MYO5A: variants seen among roughly 807,000 people sequenced by gnomAD.
MYO5A encodes myosin VA.
MYO5A carries 98 observed loss-of-function variants against 249.7 expected under a neutral mutation model. The observed-to-expected ratio is 0.39, with a 90% confidence interval of 0.33 to 0.46. The LOEUF (loss-of-function observed/expected upper bound fraction) is 0.46. MYO5A is among the 20% of genes least tolerant of loss of function. The probability of loss-of-function intolerance (pLI) is 0.98; values close to 1 mark genes in which losing one functional copy is unlikely to be tolerated. For synonymous variants in MYO5A, 778 were observed against 810.6 expected, an observed-to-expected ratio of 0.96 and a Z score of 0.68; for missense variants, 1,696 against 2,308.8, an observed-to-expected ratio of 0.73 and a Z score of 5.44.
At position 52,495,637 on chromosome 15, in the gene MYO5A, T is replaced by C. The variant is rs143743260; in HGVS notation, c.27+33143A>G. ...TGTATACATATACCAAAACATCATA[T>C]TGTAAGCCACAAATATATACAGTAT... On this transcript the variant is annotated intron_variant, in intron 1 of 41. Coordinates refer to ENST00000399233, the MANE Select transcript of MYO5A (RefSeq NM_001382347.1). 4.5e-4 allele frequency among the ~76,000 whole-genome samples: 68 copies of C among 152,294 alleles called. 1 individual carries two copies. In the East Asian group the frequency reaches 7.1e-3, roughly 16 times the overall value.
At chr15:52,332,939 T>A (rs2038957210) in intron 34 of MYO5A, among the ~76,000 whole-genome samples, 1 of 152,196 alleles carries the variant, frequency 6.6e-6, no homozygotes, top group Non-Finnish European at 1.5e-5. Context: ...CACTGCAGCC[T>A]GAGTGATGAA....
chr15:52,416,473 A>G (rs2043493480), intron 4 of MYO5A, among the ~76,000 whole-genome samples, 172 bp from the exon 5 acceptor site: 1 of 151,248 alleles, frequency 6.6e-6, no homozygotes, highest in Non-Finnish European at 1.5e-5. Context: ...GCCACCAGAA[A>G]TGTTGCAGGA....
intron 1 of MYO5A, among the ~76,000 whole-genome samples, chr15:52,478,962 T>A (rs532816945): frequency 6.6e-6 from 1 of 152,164 alleles, no homozygotes; most frequent in Admixed American, 6.5e-5. Context: ...AACAGTGCCA[T>A]GTGCAGTCTA....
chr15:52,368,781 AAAATG>A (rs925137924), intron 22 of MYO5A, among the ~76,000 whole-genome samples: 1 of 152,164 alleles, frequency 6.6e-6, no homozygotes, highest in African/African-American at 2.4e-5. Context: ...GAAGTGGGAG[AAAATG>A]AAATGAAATG....
intron 20 of MYO5A, among the ~76,000 whole-genome samples, chr15:52,374,267 T>C (rs1253298834): frequency 6.6e-6 from 1 of 152,258 alleles, no homozygotes; most frequent in Non-Finnish European, 1.5e-5. Context: ...GCATTGTATC[T>C]GTCAATACAA....
At chr15:52,406,784 AAT>A (rs1252362217) in intron 8 of MYO5A, among the ~76,000 whole-genome samples, 2 of 152,208 alleles carry the variant, frequency 1.3e-5, no homozygotes, top group Non-Finnish European at 2.9e-5. Context: ...AAAATGCTGG[AAT>A]AAACTACATG....
At chr15:52,402,089 T>C (rs2042784729) in intron 9 of MYO5A, among the ~76,000 whole-genome samples, 2 of 152,242 alleles carry the variant, frequency 1.3e-5, no homozygotes, top group Admixed American at 1.3e-4. Flanking sequence ...AGGCCTAGAC[T>C]GAAGGTGGGT....
intron 24 of MYO5A, 90 bp downstream of exon 24, chr15:52,364,464 G>C: frequency 7.9e-7 from 1 of 1,259,796 alleles, no homozygotes; most frequent in Non-Finnish European, 1.1e-6. Flanking sequence ...TAGGTACACA[G>C]AAGATATGGA....
At chr15:52,501,127 G>T (rs972592108) in intron 1 of MYO5A, among the ~76,000 whole-genome samples, 13 of 151,856 alleles carry the variant, frequency 8.6e-5, no homozygotes, top group Non-Finnish European at 1.3e-4. Context: ...CTCCCACCAG[G>T]CCCGGCTAAT....
chr15:52,399,443 T>C (rs137876726), intron 9 of MYO5A, among the ~76,000 whole-genome samples: 27 of 152,278 alleles, frequency 1.8e-4, no homozygotes, highest in South Asian at 1.5e-3. Context: ...GCACACACCA[T>C]GCACAGTGAA....
chr15:52,492,414 G>A (rs751386970), intron 1 of MYO5A, among the ~76,000 whole-genome samples: 1 of 152,208 alleles, frequency 6.6e-6, no homozygotes. Context: ...CAATAATGCT[G>A]TCTACCAGAG....
intron 1 of MYO5A, among the ~76,000 whole-genome samples, chr15:52,460,747 C>T (rs746682297): frequency 7.0e-4 from 106 of 152,174 alleles, no homozygotes; most frequent in Non-Finnish European, 9.3e-4. Context: ...ACTTTAATGA[C>T]ATAGTTTCTC....
At position 52,433,699 on chromosome 15, in the gene MYO5A, G is replaced by C. The variant is rs548209165; in HGVS notation, c.28-414C>G. On this transcript the variant is annotated intron_variant, in intron 1 of 41. Coordinates refer to ENST00000399233, the MANE Select transcript of MYO5A (RefSeq NM_001382347.1). Reference sequence around the variant, plus strand: ...AGCCTCCCAAAGTGCTGGGATTACAGGTGTGAGCCACCACGTCCAGCTGAA... The same window carrying C: ...AGCCTCCCAAAGTGCTGGGATTACACGTGTGAGCCACCACGTCCAGCTGAA... Among the ~76,000 whole-genome samples, 99 of 152,038 alleles carry C rather than the reference G, an allele frequency of 6.5e-4. No homozygotes were observed. In the South Asian group the frequency reaches 0.02, roughly 30 times the overall value.
chr15:52,322,827 A>C (rs1012368019), intron 37 of MYO5A, among the ~76,000 whole-genome samples: 64 of 151,402 alleles, frequency 4.2e-4, no homozygotes, highest in Non-Finnish European at 5.9e-5. Context: ...ATTAATATTA[A>C]AATTTTCTTT....
Position 52,397,255 on chromosome 15 carries a change from G to C in MYO5A, c.1265C>G (p.Ala422Gly), listed in dbSNP as rs779848195. The change falls in exon 10 of 42, where the codon GCT (alanine) becomes GGT (glycine). Residue 422 changes from alanine (A) to glycine (G), a missense_variant. Around this residue, in one of 5 missense-constraint regions of MYO5A, gnomAD observed 185 missense variants for 204.8 expected, o/e 0.90. Transcript: ENST00000399233. ...FNWIVDNVNQ[A>G]LHSAVKQHSF... Reference sequence around the variant, plus strand: ...GTGCTGTTTGACAGCAGAATGGAGAGCCTGATTGACATTATCTACAATCCA... The same window carrying C: ...GTGCTGTTTGACAGCAGAATGGAGACCCTGATTGACATTATCTACAATCCA... 1 of 1,614,084 alleles carries C rather than the reference G, an allele frequency of 6.2e-7. No individual in the cohort carries two copies. Among genetic ancestry groups the C allele is most frequent in the South Asian group, 1.1e-5 (1 of 91,076 alleles).
intron 1 of MYO5A, among the ~76,000 whole-genome samples, chr15:52,499,141 T>C (rs1783358482): frequency 6.6e-6 from 1 of 152,154 alleles, no homozygotes; most frequent in Admixed American, 6.6e-5. Context: ...TGAAGCAGCT[T>C]CTCCTCCATC....
intron 36 of MYO5A, among the ~76,000 whole-genome samples, chr15:52,327,245 T>C (rs2038653959): frequency 6.6e-6 from 1 of 152,272 alleles, no homozygotes; most frequent in South Asian, 2.1e-4. Flanking sequence ...TGTTTAGTTC[T>C]AAGTAAAACC....
chr15:52,441,508 C>T (rs1173247496), intron 1 of MYO5A, among the ~76,000 whole-genome samples: 3 of 152,186 alleles, frequency 2.0e-5, no homozygotes, highest in Non-Finnish European at 4.4e-5. Context: ...CACTTCTATT[C>T]TCCAGTCACA....
intron 18 of MYO5A, among the ~76,000 whole-genome samples, chr15:52,378,464 T>C (rs2041544793): frequency 3.2e-5 from 4 of 126,150 alleles, no homozygotes; most frequent in Admixed American, 1.0e-4. Flanking sequence ...GAGGTTGCAG[T>C]GAGCCGAGAT....
Sources: gnomAD v4.1 joint callset for allele counts (sites outside exome capture counted in the v4.1 genomes callset) on GRCh38, gnomAD v4.1.1 for gene constraint, gnomAD v4.1.1 regional missense constraint, MANE v1.5 for transcripts, NCBI Gene and HGNC (gene_info 2026-07-23, HGNC 2026-07-21) for gene names.